The following ZNF440 variants were observed in gnomAD, a reference collection of about 807,000 sequenced individuals.
ZNF440 encodes the protein zinc finger protein 440.
In ZNF440, 47 loss-of-function variants were observed where a neutral mutation model predicts 49.7. The observed-to-expected ratio is 0.95, with a 90% CI of 0.75 to 1.21. The LOEUF (loss-of-function observed/expected upper bound fraction) is 1.21. Among genes scored for constraint, ZNF440 ranks in the 50% most tolerant of loss-of-function variants. The probability of loss-of-function intolerance (pLI) is 0.00; values close to 1 mark genes in which losing one functional copy is unlikely to be tolerated. For synonymous variants in ZNF440, 255 were observed against 237.7 expected (o/e 1.07, Z -0.67); for missense variants, 703 against 715.0 (o/e 0.98, Z 0.19).
Position 11,820,493 on chromosome 19 carries a change from C to T in ZNF440, c.3+6043C>T, listed in dbSNP as rs150642957. Among the ~76,000 whole-genome samples, 854 of 152,250 alleles carry T rather than the reference C, an allele frequency of 5.6e-3. 9 individuals are homozygous for T. The highest frequency in any genetic ancestry group is 0.019 in the African/African-American group (798 of 41,552). The stretch of plus-strand genomic sequence containing the variant: ...TCGGCCTCCCAAAGTGCTGGGATTA[C>T]AGGCGTAATCCGGCCACTGTGCCCG... On this transcript the variant is annotated intron_variant, in intron 1 of 3. Coordinates refer to ENST00000304060, the MANE Select transcript of ZNF440 (RefSeq NM_152357.3).
chr19:11,830,198 T>C, intron 1 of ZNF440, 85 bp from the exon 2 acceptor site: 1 of 1,581,998 alleles, frequency 6.3e-7, no homozygotes, highest in Non-Finnish European at 8.6e-7. Flanking sequence ...GTCCACGGCA[T>C]CCTGAGAACT....
At chr19:11,829,592 C>T (rs1975908025) in intron 1 of ZNF440, among the ~76,000 whole-genome samples, 1 of 152,128 alleles carries the variant, frequency 6.6e-6, no homozygotes, top group Admixed American at 6.6e-5. Context: ...GCCCAGGCAA[C>T]CCGCTTTTCT....
Position 11,832,309 on chromosome 19 carries a change from C to T in ZNF440, c.1133C>T (p.Pro378Leu). The T allele has an allele frequency of 1.9e-6, 3 of 1,614,062 alleles. No individual in the cohort carries two copies. The highest frequency in any genetic ancestry group is 1.1e-5 in the South Asian group (1 of 91,064). ...TGTAAGCAGTGTGGTAAAGCCTTCC[C>T]TCATTCCAGTTCCCTTCGATATCAT... ...YKCKQCGKAF[P>L]HSSSLRYHER... Residue 378 changes from proline (P) to leucine (L), a missense_variant, in exon 4 of 4, where the codon CCT becomes CTT. Transcript: ENST00000304060.
At position 11,834,403 on chromosome 19, in the gene ZNF440, A is replaced by G. The variant is rs548862984; in HGVS notation, c.*1439A>G. 1.3e-3 allele frequency: 201 copies of G among 152,656 alleles called. 1 individual carries two copies. The highest frequency in any genetic ancestry group is 1.9e-3 in the Non-Finnish European group (133 of 68,234). 9.5% of individuals were successfully genotyped at this position (152,656 alleles called of 1,614,324 possible). ...CGGCCTCCCAAAATGCTGGGATTACAGACATGAACCATCATGCCCAGCTGC... is the reference window on the plus strand; with the variant it reads ...CGGCCTCCCAAAATGCTGGGATTACGGACATGAACCATCATGCCCAGCTGC... On this transcript the variant is annotated 3_prime_UTR_variant, in exon 4 of 4. Transcript: ENST00000304060.
intron 1 of ZNF440, among the ~76,000 whole-genome samples, chr19:11,826,712 G>A (rs1026879963): frequency 6.7e-6 from 1 of 149,138 alleles, no homozygotes; most frequent in Non-Finnish European, 1.5e-5. Flanking sequence ...TGCCCGGACC[G>A]GAGTACAATG....
At chr19:11,825,079 A>T (rs1219895576) in intron 1 of ZNF440, among the ~76,000 whole-genome samples, 1 of 152,098 alleles carries the variant, frequency 6.6e-6, no homozygotes, top group African/African-American at 2.4e-5. Context: ...CCACTTAGGT[A>T]GGCCAAAGCA....
intron 1 of ZNF440, chr19:11,827,740 T>C (rs952230678): frequency 1.3e-5 from 2 of 152,228 alleles, no homozygotes; most frequent in Non-Finnish European, 2.9e-5. Flanking sequence ...ATTTGCTAAT[T>C]CAGGTGTTTC....
Position 11,832,992 on chromosome 19 carries a change from G to C in ZNF440, c.*28G>C, listed in dbSNP as rs201851810. The stretch of plus-strand genomic sequence containing the variant: ...CACTCTGTAGAGAGACCTTATAAAT[G>C]TAAGATATGTGGGAGGGGCTTTTAT... On this transcript the variant is annotated 3_prime_UTR_variant, in exon 4 of 4. Transcript: ENST00000304060. 20 of 1,599,936 alleles carry C rather than the reference G, an allele frequency of 1.3e-5. 1 individual carries two copies. Among genetic ancestry groups the C allele is most frequent in the African/African-American group, 1.2e-4 (9 of 73,878 alleles).
Position 11,814,352 on chromosome 19 carries a change from T to G in ZNF440, c.-96T>G. Reference sequence around the variant, plus strand: ...CTTGCTTCGAGAGGGACTAGGTGCCTCCACCAGAGCTTCTGTCGCTCTGTA... The same window carrying G: ...CTTGCTTCGAGAGGGACTAGGTGCCGCCACCAGAGCTTCTGTCGCTCTGTA... On this transcript the variant is annotated 5_prime_UTR_variant, in exon 1 of 4. Transcript: ENST00000304060. The G allele has an allele frequency of 7.2e-7, 1 of 1,397,832 alleles. No individual in the cohort carries two copies. The highest frequency in any genetic ancestry group is 9.5e-7 in the Non-Finnish European group (1 of 1,051,990). 86.6% of individuals were successfully genotyped at this position (1,397,832 alleles called of 1,614,324 possible).
In ZNF440 at chr19:11,830,378, G is replaced by C; in HGVS notation, c.99G>C (p.Met33Ile). ...ISQRKLYREV[M>I]LETFRNLTSL... is the part of the protein sequence containing the mutation. ...AGAGGAAACTCTACAGGGAAGTGAT[G>C]CTGGAAACTTTCAGGAACCTGACCT... The change falls in exon 2 of 4, where the codon ATG (methionine) becomes ATC (isoleucine). Residue 33 changes from methionine (M) to isoleucine (I), a missense_variant. Transcript: ENST00000304060. 2 of 1,614,130 alleles carry C rather than the reference G, an allele frequency of 1.2e-6. No homozygotes were observed.
intron 1 of ZNF440, chr19:11,816,921 T>C (rs970030105): frequency 1.3e-5 from 2 of 152,104 alleles, no homozygotes; most frequent in African/African-American, 4.8e-5. Context: ...GTGAGCCACC[T>C]CACCAGGCCA....
Position 11,831,462 on chromosome 19 carries a change from G to T in ZNF440, c.286G>T (p.Glu96Ter), listed in dbSNP as rs773401249. 1 of 1,613,784 alleles carries T rather than the reference G, an allele frequency of 6.2e-7. No individual in the cohort carries two copies. Among genetic ancestry groups the T allele is most frequent in the African/African-American group, 1.3e-5 (1 of 74,918 alleles). Residue 96 changes from glutamate (E) to a stop codon, truncating the protein, a stop_gained, in exon 4 of 4, where the codon GAG (glutamate) becomes TAG (stop). Coordinates refer to ENST00000304060, the MANE Select transcript of ZNF440 (RefSeq NM_152357.3). LOFTEE classifies it high-confidence loss of function. ...TCCAGATGACAGACTGAACTTCCAG[G>T]AGAAGAAAGCTTCTCCTGAAGTAAA... is the stretch of plus-strand genomic sequence containing the variant. ...PVPDDRLNFQ[E>*]KKASPEVKSC...
intron 1 of ZNF440, among the ~76,000 whole-genome samples, chr19:11,818,383 A>G (rs1975758497): frequency 1.3e-5 from 2 of 152,082 alleles, no homozygotes; most frequent in African/African-American, 2.4e-5. Context: ...GCGACTGGCA[A>G]GGAGTGTTTC....
At chr19:11,821,127 T>C (rs1056480225) in intron 1 of ZNF440, among the ~76,000 whole-genome samples, 1 of 152,214 alleles carries the variant, frequency 6.6e-6, no homozygotes, top group Non-Finnish European at 1.5e-5. Context: ...CTTTGGAAAC[T>C]TCAAAGGGTG....
In ZNF440 at chr19:11,830,793, A is replaced by C. The variant is rs543378615; in HGVS notation, c.191+116A>C. The C allele has an allele frequency of 1.2e-5, 16 of 1,348,106 alleles. No homozygotes were observed. In the African/African-American group the frequency reaches 2.4e-4, roughly 20 times the overall value. 83.5% of individuals were successfully genotyped at this position (1,348,106 alleles called of 1,614,324 possible). ...TCCAGGATCAAATTCATTTATTTTT[A>C]GAATATTTGATCAAAAAACATATAT... On this transcript the variant is annotated intron_variant, in intron 3 of 3. Transcript: ENST00000304060.
At chr19:11,831,125 AGTATTTT>A (rs1975931721) in intron 3 of ZNF440, among the ~76,000 whole-genome samples, 1 of 152,262 alleles carries the variant, frequency 6.6e-6, no homozygotes, top group Admixed American at 6.5e-5. Flanking sequence ...CAGAGTATTT[AGTATTTT>A]AAAATAGTTT....
In ZNF440 at chr19:11,831,667, G is replaced by A. The variant is rs1179691732; in HGVS notation, c.491G>A (p.Arg164Lys). 2 of 1,614,130 alleles carry A rather than the reference G, an allele frequency of 1.2e-6. No individual in the cohort carries two copies. The highest frequency in any genetic ancestry group is 1.1e-5 in the South Asian group (1 of 91,084). The change falls in exon 4 of 4, where the codon AGG becomes AAG. Residue 164 changes from arginine (R) to lysine (K), a missense_variant. Coordinates refer to ENST00000304060, the MANE Select transcript of ZNF440 (RefSeq NM_152357.3). ...RYRPSFRTQE[R>K]DHTGEKPNAC... is the part of the protein sequence containing the mutation. ...CGCCCCTCCTTTAGAACACAAGAAAGGGATCACACTGGAGAGAAACCCAAT... is the reference window on the plus strand; with the variant it reads ...CGCCCCTCCTTTAGAACACAAGAAAAGGATCACACTGGAGAGAAACCCAAT...
In ZNF440 at chr19:11,831,428, T is replaced by C; in HGVS notation, c.252T>C (p.Phe84=). The C allele has an allele frequency of 1.2e-6, 2 of 1,613,428 alleles. No individual in the cohort carries two copies. Among genetic ancestry groups the C allele is most frequent in the Non-Finnish European group, 1.7e-6 (2 of 1,179,748 alleles). ...IKDDSHCGET[F]TPVPDDRLNF... ...ATGACAGTCATTGTGGAGAAACTTT[T>C]ACCCCAGTTCCAGATGACAGACTGA... is the stretch of plus-strand genomic sequence containing the variant. The change falls in exon 4 of 4, where the codon TTT becomes TTC. Residue 84 remains phenylalanine (F), a synonymous_variant. Coordinates refer to ENST00000304060, the MANE Select transcript of ZNF440 (RefSeq NM_152357.3).
chr19:11,822,223 A>G (rs386584), intron 1 of ZNF440, among the ~76,000 whole-genome samples: 3,863 of 152,294 alleles, frequency 0.025, 102 homozygotes, highest in Middle Eastern at 0.068. Context: ...ACCAGAATGC[A>G]GTTGTGTAAT....
Sources: gnomAD v4.1 joint callset for allele counts (sites outside exome capture counted in the v4.1 genomes callset) on GRCh38, gnomAD v4.1.1 for gene constraint, MANE v1.5 for transcripts, NCBI Gene and HGNC (gene_info 2026-07-23, HGNC 2026-07-21) for gene names.